DEPTOR: variants seen among roughly 807,000 people sequenced by gnomAD.
DEPTOR encodes the protein DEP domain containing MTOR interacting protein.
Under a neutral mutation model 41.6 loss-of-function variants are expected in DEPTOR, and 41 were observed. The ratio of observed to expected loss-of-function variants is 0.98; its 90% CI spans 0.77 to 1.28. The LOEUF (loss-of-function observed/expected upper bound fraction) is 1.28. DEPTOR is among the 50% of genes most tolerant of loss of function. The pLI is 0.00. For synonymous variants in DEPTOR, 195 were observed against 192.3 expected, an observed-to-expected ratio of 1.01 and a Z score of -0.12; for missense variants, 514 against 527.9, an observed-to-expected ratio of 0.97 and a Z score of 0.26.
chr8:119,884,903 G>T (rs991198174), intron 1 of DEPTOR, among the ~76,000 whole-genome samples: 1 of 152,012 alleles, frequency 6.6e-6, no homozygotes, highest in South Asian at 2.1e-4. Flanking sequence ...AGCTTCCTGA[G>T]TAGCTGGGAC....
chr8:119,941,003 T>C (rs1828195986), intron 3 of DEPTOR, among the ~76,000 whole-genome samples: 1 of 151,942 alleles, frequency 6.6e-6, no homozygotes, highest in African/African-American at 2.4e-5. Context: ...TTTAGGAAGA[T>C]GAAAAAGTTG....
Position 120,000,348 on chromosome 8 carries a change from T to G in DEPTOR, c.605-1177T>G, listed in dbSNP as rs148447780. ...CCCCTGGCAACCACCAGTATACTTC[T>G]GTCTCTAGAAGTGTCTTTGTTTTGG... is the stretch of plus-strand genomic sequence containing the variant. On this transcript the variant is annotated intron_variant, in intron 4 of 8. Coordinates refer to ENST00000286234, the MANE Select transcript of DEPTOR (RefSeq NM_022783.4). Among the ~76,000 whole-genome samples, 437 of 152,260 alleles carry G rather than the reference T, an allele frequency of 2.9e-3. 5 individuals carry two copies. The highest frequency in any genetic ancestry group is 0.01 in the African/African-American group (420 of 41,564).
In DEPTOR at chr8:119,928,504, A is replaced by G. The variant is rs202200535; in HGVS notation, c.227A>G (p.His76Arg). ...AKELIDWLIE[H>R]KEASDRETAI... ...GAACTGATTGACTGGCTGATTGAAC[A>G]CAAAGAGGCTTCTGACAGAGAGACG... Residue 76 changes from histidine (H) to arginine (R), a missense_variant, in exon 2 of 9, where the codon CAC (histidine) becomes CGC (arginine). Transcript: ENST00000286234. 32 of 1,614,226 alleles carry G rather than the reference A, an allele frequency of 2.0e-5. No individual in the cohort carries two copies. Among genetic ancestry groups the G allele is most frequent in the Non-Finnish European group, 2.6e-5 (31 of 1,180,028 alleles).
intron 1 of DEPTOR, among the ~76,000 whole-genome samples, chr8:119,909,798 T>C (rs1055254039): frequency 2.0e-5 from 3 of 152,260 alleles, no homozygotes; most frequent in Admixed American, 1.3e-4. Flanking sequence ...TTAACTAGGT[T>C]ACATGCTTGT....
intron 3 of DEPTOR, among the ~76,000 whole-genome samples, chr8:119,961,416 CAAA>C (rs34706393): frequency 3.7e-5 from 4 of 108,602 alleles, no homozygotes; most frequent in Admixed American, 8.7e-5. Context: ...AACTCCGTAT[CAAA>C]AAAAAAAAAA....
At chr8:120,049,296 CCTAGCTAGTATTTAAATA>C (rs1239989938) in intron 8 of DEPTOR, among the ~76,000 whole-genome samples, 8 of 151,778 alleles carry the variant, frequency 5.3e-5, no homozygotes, top group African/African-American at 1.9e-4. Flanking sequence ...AATTTAAATA[CCTAGCTAGTATTTAAATA>C]CTAGCTAAAG....
At position 120,047,172 on chromosome 8, in the gene DEPTOR, C is replaced by T. The variant is rs542252141; in HGVS notation, c.1102-2404C>T. Among the ~76,000 whole-genome samples, 30 of 152,002 alleles carry T rather than the reference C, an allele frequency of 2.0e-4. No individual in the cohort carries two copies. In the South Asian group the frequency reaches 5.4e-3, roughly 27 times the overall value. ...CTGAGTAGCTGGGATTACAGGTGTG[C>T]CACTACACCTGGCTAATTTTTGTAT... On this transcript the variant is annotated intron_variant, in intron 8 of 8. Coordinates refer to ENST00000286234, the MANE Select transcript of DEPTOR (RefSeq NM_022783.4).
At chr8:119,956,073 C>T (rs1828413526) in intron 3 of DEPTOR, among the ~76,000 whole-genome samples, 1 of 152,088 alleles carries the variant, frequency 6.6e-6, no homozygotes, top group Non-Finnish European at 1.5e-5. Flanking sequence ...AAGCTAGAGT[C>T]ATAGAGGAGC....
chr8:119,881,874 T>C (rs751482645), intron 1 of DEPTOR, among the ~76,000 whole-genome samples: 4 of 151,926 alleles, frequency 2.6e-5, no homozygotes, highest in Admixed American at 2.6e-4. Flanking sequence ...AGAATGTTTA[T>C]TCTATTTTTA....
rs764886615 is a variant in DEPTOR, at chr8:120,003,065, C to T, written c.879C>T (p.Ser293=). 7.4e-6 allele frequency: 12 copies of T among 1,612,602 alleles called. No homozygotes were observed. In the African/African-American group the frequency reaches 1.2e-4, roughly 16 times the overall value. The change falls in exon 6 of 9, where the codon AGC becomes AGT. Residue 293 remains serine, a synonymous_variant. Coordinates refer to ENST00000286234, the MANE Select transcript of DEPTOR (RefSeq NM_022783.4). Reference sequence around the variant, plus strand: ...GCAGCAGCGGCTACTTCAGCAGCAGCCCCACCCTCAGCAGCAGCCCCCCTG... The same window carrying T: ...GCAGCAGCGGCTACTTCAGCAGCAGTCCCACCCTCAGCAGCAGCCCCCCTG... The part of the protein sequence containing the change: ...SCGSSGYFSS[S]PTLSSSPPVL...
chr8:119,933,036 C>T (rs1354096809), intron 3 of DEPTOR, among the ~76,000 whole-genome samples: 1 of 152,030 alleles, frequency 6.6e-6, no homozygotes, highest in Non-Finnish European at 1.5e-5. Context: ...ACAGTAAGAA[C>T]TGGTGATTTT....
At chr8:119,949,032 C>T (rs9987101) in intron 3 of DEPTOR, among the ~76,000 whole-genome samples, 53,633 of 152,116 alleles carry the variant, frequency 0.35, 10,376 homozygotes, top group East Asian at 0.52. Context: ...GTGATCCACC[C>T]GCCTTGGCCT....
intron 3 of DEPTOR, among the ~76,000 whole-genome samples, chr8:119,934,873 C>T (rs1158748205): frequency 6.6e-6 from 1 of 152,100 alleles, no homozygotes; most frequent in Non-Finnish European, 1.5e-5. Context: ...AGATACTGAC[C>T]ATCCTGACCT....
intron 1 of DEPTOR, among the ~76,000 whole-genome samples, chr8:119,893,565 G>A (rs749216908): frequency 8.5e-5 from 13 of 152,090 alleles, no homozygotes; most frequent in East Asian, 1.9e-4. Context: ...CTGGTGGCTC[G>A]TGCCTGTAAT....
chr8:119,911,823 C>T (rs1827749069), intron 1 of DEPTOR, among the ~76,000 whole-genome samples: 1 of 152,142 alleles, frequency 6.6e-6, no homozygotes, highest in African/African-American at 2.4e-5. Flanking sequence ...GGACCCCACA[C>T]TAGAGGCTCA....
intron 1 of DEPTOR, among the ~76,000 whole-genome samples, chr8:119,890,246 C>T (rs10955940): frequency 0.5 from 75,400 of 151,768 alleles, 20,422 homozygotes; most frequent in East Asian, 0.92. Flanking sequence ...TGAGCCATCA[C>T]GCCTGGCAAG....
chr8:119,929,038 C>T (rs1436965847), intron 2 of DEPTOR, among the ~76,000 whole-genome samples: 1 of 152,192 alleles, frequency 6.6e-6, no homozygotes, highest in Admixed American at 6.5e-5. Context: ...TGAGCTTCAT[C>T]CACATTGATA....
chr8:119,976,936 G>A (rs535852413), intron 4 of DEPTOR, among the ~76,000 whole-genome samples: 20 of 152,288 alleles, frequency 1.3e-4, no homozygotes, highest in African/African-American at 4.6e-4. Context: ...GTTCTTTACT[G>A]CTATTAACTC....
chr8:120,035,102 G>A (rs540649261), intron 8 of DEPTOR, among the ~76,000 whole-genome samples: 50 of 152,190 alleles, frequency 3.3e-4, no homozygotes, highest in African/African-American at 1.1e-3. Context: ...CAGATCACTT[G>A]AATCCAGGAA....
Sources: gnomAD v4.1 joint callset for allele counts (sites outside exome capture counted in the v4.1 genomes callset) on GRCh38, gnomAD v4.1.1 for gene constraint, MANE v1.5 for transcripts, NCBI Gene and HGNC (gene_info 2026-07-23, HGNC 2026-07-21) for gene names.